TCERG1L: variants seen among roughly 807,000 people sequenced by gnomAD.
TCERG1L encodes the protein transcription elongation regulator 1-like protein.
In TCERG1L, 37 loss-of-function variants were observed where a neutral mutation model predicts 56.3. The ratio of observed to expected loss-of-function variants is 0.66; its 90% CI spans 0.51 to 0.87. The LOEUF is 0.87. Ranked by LOEUF, TCERG1L falls within the 40% of genes least tolerant of loss-of-function variation. TCERG1L has a pLI of 0.00. For missense variants in TCERG1L, 799 were observed against 774.2 expected (o/e 1.03, Z -0.38); for synonymous variants, 324 against 326.3 (o/e 0.99, Z 0.08).
chr10:131,111,479 C>G (rs1023678749), intron 9 of TCERG1L, among the ~76,000 whole-genome samples: 4 of 143,354 alleles, frequency 2.8e-5, no homozygotes, highest in African/African-American at 9.9e-5. Context: ...TTTACTTTTA[C>G]TTCCTTGTAC....
At chr10:131,200,473 T>C (rs1479123168) in intron 4 of TCERG1L, among the ~76,000 whole-genome samples, 1 of 152,214 alleles carries the variant, frequency 6.6e-6, no homozygotes, top group African/African-American at 2.4e-5. Flanking sequence ...GTATTGAAAT[T>C]ACTTTGGATC....
rs549119784 is a variant in TCERG1L at position 131,100,963 on chromosome 10, C to T, written c.1486-2539G>A. 2.3e-3 allele frequency among the ~76,000 whole-genome samples: 347 copies of T among 152,354 alleles called. 1 individual carries two copies. The highest frequency in any genetic ancestry group is 3.9e-3 in the Non-Finnish European group (265 of 68,042). Reference sequence around the variant, plus strand: ...GCACTGGCTATGGCGTGGCCTGCTTCCTCCTCTTTCCCACTGGACCTTCTG... The same window carrying T: ...GCACTGGCTATGGCGTGGCCTGCTTTCTCCTCTTTCCCACTGGACCTTCTG... On this transcript the variant is annotated intron_variant, in intron 10 of 11. Coordinates refer to ENST00000368642, the MANE Select transcript of TCERG1L (RefSeq NM_174937.4).
intron 3 of TCERG1L, among the ~76,000 whole-genome samples, chr10:131,295,175 T>C (rs1846676969): frequency 6.6e-6 from 1 of 152,228 alleles, no homozygotes; most frequent in African/African-American, 2.4e-5. Context: ...TTGTTATTTC[T>C]GTGTCACAGT....
intron 3 of TCERG1L, among the ~76,000 whole-genome samples, chr10:131,288,653 A>G (rs184442323): frequency 6.6e-6 from 1 of 152,280 alleles, no homozygotes; most frequent in Admixed American, 6.5e-5. Flanking sequence ...TGCAGATGAA[A>G]TGAGTTAAGA....
chr10:131,247,325 T>G (rs1363593957), intron 4 of TCERG1L, among the ~76,000 whole-genome samples: 1 of 152,208 alleles, frequency 6.6e-6, no homozygotes, highest in Non-Finnish European at 1.5e-5. Context: ...TCTTACACAT[T>G]CCCCACAGCA....
chr10:131,258,415 C>T (rs1229869913), intron 4 of TCERG1L, among the ~76,000 whole-genome samples: 2 of 152,212 alleles, frequency 1.3e-5, no homozygotes, highest in African/African-American at 4.8e-5. Flanking sequence ...GGCAGCACTG[C>T]CAGGCAGTCC....
intron 4 of TCERG1L, among the ~76,000 whole-genome samples, chr10:131,218,777 C>T (rs369452977): frequency 2.0e-5 from 3 of 152,290 alleles, no homozygotes; most frequent in East Asian, 1.9e-4. Context: ...GATGGAACCA[C>T]GGTGCTGGCC....
At chr10:131,309,857 A>C (rs1005847169) in intron 1 of TCERG1L, among the ~76,000 whole-genome samples, 1 of 150,176 alleles carries the variant, frequency 6.7e-6, no homozygotes, top group African/African-American at 2.4e-5. Context: ...AAAAAAAAAA[A>C]AACTAAGCAT....
intron 4 of TCERG1L, among the ~76,000 whole-genome samples, chr10:131,199,603 T>A (rs2944473): frequency 1.3e-5 from 2 of 152,108 alleles, no homozygotes; most frequent in Non-Finnish European, 2.9e-5. Flanking sequence ...GTAACAGGCC[T>A]GTTAAATGGG....
At chr10:131,111,439 C>G (rs1845412798) in intron 9 of TCERG1L, among the ~76,000 whole-genome samples, 1 of 143,090 alleles carries the variant, frequency 7.0e-6, no homozygotes, top group Non-Finnish European at 1.6e-5. Context: ...ATGTTTTGAC[C>G]AAATTTGACT....
At chr10:131,200,984 C>A (rs1019305278) in intron 4 of TCERG1L, among the ~76,000 whole-genome samples, 1 of 152,152 alleles carries the variant, frequency 6.6e-6, no homozygotes, top group African/African-American at 2.4e-5. Context: ...AGGACACAGC[C>A]TCCCTCCCCT....
chr10:131,178,698 C>T (rs2133450004), intron 4 of TCERG1L, among the ~76,000 whole-genome samples: 1 of 152,202 alleles, frequency 6.6e-6, no homozygotes, highest in Non-Finnish European at 1.5e-5. Flanking sequence ...AAGTTCAGGG[C>T]CATCGCTCGC....
At chr10:131,280,281 G>C (rs1846436958) in intron 3 of TCERG1L, among the ~76,000 whole-genome samples, 1 of 152,030 alleles carries the variant, frequency 6.6e-6, no homozygotes, top group Admixed American at 6.5e-5. Flanking sequence ...GAGCACAGAG[G>C]TGATTTTGAA....
At chr10:131,152,692 T>A (rs1160424578) in intron 6 of TCERG1L, among the ~76,000 whole-genome samples, 1 of 152,226 alleles carries the variant, frequency 6.6e-6, no homozygotes, top group Non-Finnish European at 1.5e-5. Context: ...AAGAATTTAC[T>A]GTATTAGTTC....
chr10:131,110,956 C>T (rs926125660), intron 9 of TCERG1L, among the ~76,000 whole-genome samples: 1 of 142,626 alleles, frequency 7.0e-6, no homozygotes, highest in African/African-American at 2.5e-5. Flanking sequence ...AGAACGCTGC[C>T]TTCCATCTCT....
chr10:131,292,902 T>C (rs1167597023), intron 3 of TCERG1L, among the ~76,000 whole-genome samples: 4 of 151,744 alleles, frequency 2.6e-5, no homozygotes, highest in South Asian at 2.1e-4. Context: ...CCAGACTGCA[T>C]TGCAGAGGTG....
chr10:131,179,503 C>T (rs975720844), intron 4 of TCERG1L, among the ~76,000 whole-genome samples: 2 of 152,128 alleles, frequency 1.3e-5, no homozygotes, highest in East Asian at 1.9e-4. Flanking sequence ...GAGTAGCCCT[C>T]GGTCCACCCT....
At chr10:131,178,522 C>G (rs554806526) in intron 4 of TCERG1L, among the ~76,000 whole-genome samples, 1 of 152,294 alleles carries the variant, frequency 6.6e-6, no homozygotes, top group South Asian at 2.1e-4. Flanking sequence ...AGACATACCT[C>G]TCAAGGGCAT....
chr10:131,266,378 C>T (rs1013534426), intron 3 of TCERG1L, among the ~76,000 whole-genome samples: 9 of 152,206 alleles, frequency 5.9e-5, no homozygotes, highest in South Asian at 2.1e-4. Context: ...TGAATGTTCA[C>T]GGCTGCAGAA....
Sources: gnomAD v4.1 joint callset for allele counts (sites outside exome capture counted in the v4.1 genomes callset) on GRCh38, gnomAD v4.1.1 for gene constraint, MANE v1.5 for transcripts, NCBI Gene and HGNC (gene_info 2026-07-23, HGNC 2026-07-21) for gene names.